Variants in PRKCH observed in about 807,000 individuals in gnomAD.
PRKCH encodes the protein protein kinase C eta, also known as protein kinase C eta type.
Under a neutral mutation model 82.5 loss-of-function variants are expected in PRKCH, and 28 were observed. That is an observed-to-expected ratio of 0.34 (90% confidence interval 0.25 to 0.47). The LOEUF (loss-of-function observed/expected upper bound fraction) is 0.47, where lower values mean the gene tolerates loss of function less well. PRKCH is among the 20% of genes least tolerant of loss of function. The probability of loss-of-function intolerance (pLI) is 1.00; values close to 1 mark genes in which losing one functional copy is unlikely to be tolerated. For synonymous variants in PRKCH, 322 were observed against 327.4 expected (o/e 0.98, Z 0.18); for missense variants, 705 against 881.8 (o/e 0.80, Z 2.54).
intron 2 of PRKCH, among the ~76,000 whole-genome samples, chr14:61,407,603 C>T (rs1046921388): frequency 6.6e-6 from 1 of 152,140 alleles, no homozygotes; most frequent in African/African-American, 2.4e-5. Flanking sequence ...CAGGGCCCTG[C>T]TCAAATGTGT....
At chr14:61,256,790 A>G (rs917981512) in intron 1 of PRKCH, among the ~76,000 whole-genome samples, 17 of 152,142 alleles carry the variant, frequency 1.1e-4, no homozygotes, top group Admixed American at 2.6e-4. Context: ...AACCTTATAT[A>G]CCACTTAACC....
At chr14:61,372,658 C>T (rs529220035) in intron 1 of PRKCH, among the ~76,000 whole-genome samples, 1 of 152,048 alleles carries the variant, frequency 6.6e-6, no homozygotes, top group Non-Finnish European at 1.5e-5. Flanking sequence ...ATACTCATTT[C>T]TGAAGGTCCT....
intron 1 of PRKCH, among the ~76,000 whole-genome samples, chr14:61,205,816 G>T (rs942789526): frequency 1.3e-5 from 2 of 152,198 alleles, no homozygotes; most frequent in Non-Finnish European, 2.9e-5. Flanking sequence ...GAGGAATTCC[G>T]TACTGTTCCT....
intron 1 of PRKCH, among the ~76,000 whole-genome samples, chr14:61,341,876 G>A (rs2045933568): frequency 6.6e-6 from 1 of 152,194 alleles, no homozygotes; most frequent in Non-Finnish European, 1.5e-5. Flanking sequence ...CCATTGGTAG[G>A]AACTTTCTTC....
intron 2 of PRKCH, among the ~76,000 whole-genome samples, chr14:61,417,264 T>G (rs781781982): frequency 1.3e-5 from 2 of 152,236 alleles, no homozygotes; most frequent in Admixed American, 6.5e-5. Flanking sequence ...ACCCAATTGC[T>G]TTACCACATA....
intron 1 of PRKCH, among the ~76,000 whole-genome samples, chr14:61,236,846 G>A (rs2044794117): frequency 6.6e-6 from 1 of 151,990 alleles, no homozygotes; most frequent in Non-Finnish European, 1.5e-5. Context: ...AAATGTCATG[G>A]CAACGTCAGG....
rs1446861338 is a variant in PRKCH, at chr14:61,275,156, A to G, written c.-19+87488A>G. 3.3e-5 allele frequency among the ~76,000 whole-genome samples: 5 copies of G among 152,238 alleles called. No individual in the cohort carries two copies. In the South Asian group the frequency reaches 6.2e-4, roughly 19 times the overall value. On this transcript the variant is annotated intron_variant, in intron 1 of 3. Coordinates refer to the PRKCH transcript ENST00000555185. The stretch of plus-strand genomic sequence containing the variant: ...ATTAATCAAGCCTTCCTTTGAAAAT[A>G]CTCATGGTCCATTCCAATGATTGTC...
At chr14:61,547,499 C>G (rs564198976) in intron 12 of PRKCH, among the ~76,000 whole-genome samples, 50 of 152,332 alleles carry the variant, frequency 3.3e-4, no homozygotes, top group African/African-American at 1.0e-3. Context: ...CTGGACCCTC[C>G]TGCTTTCTTT....
At chr14:61,448,577 T>A (rs1030831451) in intron 4 of PRKCH, among the ~76,000 whole-genome samples, 1 of 151,978 alleles carries the variant, frequency 6.6e-6, no homozygotes, top group Admixed American at 6.6e-5. Flanking sequence ...AGTCTAGAAG[T>A]GGGGATGGGG....
Position 61,507,602 on chromosome 14 carries a change from G to A in PRKCH, c.1434-21473G>A, listed in dbSNP as rs144020603. Among the ~76,000 whole-genome samples, 10 of 152,194 alleles carry A rather than the reference G, an allele frequency of 6.6e-5. No homozygotes were observed. In the East Asian group the frequency reaches 1.5e-3, roughly 23 times the overall value. ...ATATTATTCAGCCTTAAAAAAGAAG[G>A]AAATCCTATCATTCCGGACAGTGTG... On this transcript the variant is annotated intron_variant, in intron 10 of 13. Transcript: ENST00000332981.
At chr14:61,347,376 C>G (rs1464676346) in intron 1 of PRKCH, among the ~76,000 whole-genome samples, 1 of 152,176 alleles carries the variant, frequency 6.6e-6, no homozygotes, top group Non-Finnish European at 1.5e-5. Flanking sequence ...CACTGCAGGT[C>G]TATTCATGCT....
In PRKCH at chr14:61,268,837, T is replaced by C. The variant is rs2045127066; in HGVS notation, c.-19+81169T>C. Among the ~76,000 whole-genome samples, 3 of 152,232 alleles carry C rather than the reference T, an allele frequency of 2.0e-5. No homozygotes were observed. In the South Asian group the frequency reaches 6.2e-4, roughly 32 times the overall value. On this transcript the variant is annotated intron_variant, in intron 1 of 3. Transcript: ENST00000555185. ...AACTGGGCATACTTAATTTTGCTTC[T>C]GGAAAGACTCTGGAGGCTTTCTGCT...
rs114696697 is a variant in PRKCH at position 61,215,702 on chromosome 14, T to G, written c.-19+28034T>G. Among the ~76,000 whole-genome samples, 1,469 of 152,350 alleles carry G rather than the reference T, an allele frequency of 9.6e-3. 23 individuals are homozygous for G. The highest frequency in any genetic ancestry group is 0.032 in the African/African-American group (1,327 of 41,572). On this transcript the variant is annotated intron_variant, in intron 1 of 3. Coordinates refer to the PRKCH transcript ENST00000555185. ...ACTTTTTGAAGCCTCTGCCCTGAGGTCTGCCTCCCTTTCAGGGCTTGCCAT... is the reference window on the plus strand; with the variant it reads ...ACTTTTTGAAGCCTCTGCCCTGAGGGCTGCCTCCCTTTCAGGGCTTGCCAT...
intron 1 of PRKCH, among the ~76,000 whole-genome samples, chr14:61,213,901 G>C (rs1331366308): frequency 3.3e-5 from 5 of 152,110 alleles, no homozygotes; most frequent in African/African-American, 9.7e-5. Context: ...TATAATCTGG[G>C]GATACTACAG....
intron 10 of PRKCH, among the ~76,000 whole-genome samples, chr14:61,519,874 A>T (rs773125054): frequency 4.4e-4 from 36 of 81,870 alleles, no homozygotes; most frequent in Non-Finnish European, 6.4e-4. Context: ...TTTCTGTGGT[A>T]AAAAAAAAAA....
At chr14:61,461,660 C>T (rs560812517) in intron 9 of PRKCH, among the ~76,000 whole-genome samples, 1 of 152,286 alleles carries the variant, frequency 6.6e-6, no homozygotes, top group Non-Finnish European at 1.5e-5. Context: ...TCATACCTAA[C>T]AGGGGAATTT....
chr14:61,544,230 C>T (rs1338539005), intron 12 of PRKCH: 4 of 152,190 alleles, frequency 2.6e-5, no homozygotes, highest in African/African-American at 9.7e-5. Context: ...ACTGACTGGG[C>T]ATCTGGTGCC....
chr14:61,492,259 G>C (rs922108771), intron 10 of PRKCH: 1 of 152,228 alleles, frequency 6.6e-6, no homozygotes, highest in African/African-American at 2.4e-5. Flanking sequence ...TTTATTTGAA[G>C]GTTAGGTAAG....
chr14:61,196,604 AT>A (rs2044444475), intron 1 of PRKCH, among the ~76,000 whole-genome samples: 1 of 152,214 alleles, frequency 6.6e-6, no homozygotes, highest in Non-Finnish European at 1.5e-5. Context: ...GTGCTGCTAA[AT>A]GACTTTTTGG....
Sources: gnomAD v4.1 joint callset for allele counts (sites outside exome capture counted in the v4.1 genomes callset) on GRCh38, gnomAD v4.1.1 for gene constraint, MANE v1.5 for transcripts, NCBI Gene and HGNC (gene_info 2026-07-23, HGNC 2026-07-21) for gene names.